Variants in KPNA1 observed in about 807,000 individuals in gnomAD.
The protein encoded by KPNA1 is importin subunit alpha-5.
KPNA1 carries 10 observed loss-of-function variants against 70.5 expected under a neutral mutation model. The observed-to-expected ratio is 0.14, with a 90% CI of 0.09 to 0.24. KPNA1 has a LOEUF of 0.24. KPNA1 is among the 10% of genes least tolerant of loss of function. The pLI is 1.00. For missense variants in KPNA1, 397 were observed against 637.9 expected, an observed-to-expected ratio of 0.62 and a Z score of 4.07; for synonymous variants, 192 against 221.9, an observed-to-expected ratio of 0.87 and a Z score of 1.20.
Position 122,449,753 on chromosome 3 carries a change from G to A in KPNA1, c.754-16C>T, listed in dbSNP as rs1352974518. ...ATGGAGAAACCTGTAAAAGGAAAAT[G>A]ATGATTATGAAATTCAATAGACTAA... On this transcript the variant is annotated splice_polypyrimidine_tract_variant and intron_variant, in intron 8 of 13. Coordinates refer to ENST00000344337, the MANE Select transcript of KPNA1 (RefSeq NM_002264.4). 3 of 1,596,030 alleles carry A rather than the reference G, an allele frequency of 1.9e-6. No homozygotes were observed. Among genetic ancestry groups the A allele is most frequent in the Non-Finnish European group, 2.6e-6 (3 of 1,172,790 alleles).
intron 5 of KPNA1, chr3:122,457,953 G>T: frequency 1.0e-6 from 1 of 995,228 alleles, no homozygotes; most frequent in Non-Finnish European, 1.3e-6. Context: ...TCCAGGAAAG[G>T]CAGAGAGATC....
chr3:122,451,227 T>C (rs1019793631), intron 8 of KPNA1, among the ~76,000 whole-genome samples: 1 of 152,202 alleles, frequency 6.6e-6, no homozygotes, highest in Non-Finnish European at 1.5e-5. Flanking sequence ...ACTGAAAGGA[T>C]AGTCTCCTAA....
chr3:122,472,495 C>G (rs1234169110), intron 2 of KPNA1, among the ~76,000 whole-genome samples: 1 of 149,340 alleles, frequency 6.7e-6, no homozygotes, highest in African/African-American at 2.5e-5. Context: ...GACAAAAGAT[C>G]TAAAATCACC....
intron 9 of KPNA1, among the ~76,000 whole-genome samples, chr3:122,446,770 C>T (rs557137042): frequency 1.4e-3 from 211 of 152,000 alleles, no homozygotes; most frequent in African/African-American, 4.8e-3. Flanking sequence ...ATTGATAGAC[C>T]GCTAGCAAGA....
chr3:122,451,624 T>G lies in KPNA1; in HGVS notation c.663A>C (p.Ser221=). 6.2e-7 allele frequency: 1 copy of G among 1,612,678 alleles called. No individual in the cohort carries two copies. The highest frequency in any genetic ancestry group is 8.5e-7 in the Non-Finnish European group (1 of 1,178,826). The change falls in exon 8 of 14, where the codon TCA becomes TCC. Residue 221 remains serine, a synonymous_variant. Transcript: ENST00000344337. ...GGGTCATGGTCAGGCGGTTTTGCTT[T>G]GAAAATAACCTAAAAGCACGATGGT... The part of the protein sequence containing the change: ...NILPPLLQLF[S]KQNRLTMTRN...
chr3:122,480,980 C>A (rs2076564742), intron 2 of KPNA1, among the ~76,000 whole-genome samples: 2 of 152,044 alleles, frequency 1.3e-5, no homozygotes, highest in Non-Finnish European at 2.9e-5. Flanking sequence ...TAGAGGGAGA[C>A]CCTGCCTCAA....
At chr3:122,469,158 A>C (rs928737997) in intron 2 of KPNA1, among the ~76,000 whole-genome samples, 5 of 152,182 alleles carry the variant, frequency 3.3e-5, no homozygotes, top group African/African-American at 1.2e-4. Flanking sequence ...TAAATATTAA[A>C]AGCTAAAAAA....
At chr3:122,430,692 AAC>A (rs1272655533) in intron 12 of KPNA1, among the ~76,000 whole-genome samples, 1 of 152,184 alleles carries the variant, frequency 6.6e-6, no homozygotes, top group Non-Finnish European at 1.5e-5. Flanking sequence ...CCCGCACAAA[AAC>A]AGTCAACTGA....
At chr3:122,462,267 T>A in intron 4 of KPNA1, among the ~76,000 whole-genome samples, 1 of 152,228 alleles carries the variant, frequency 6.6e-6, no homozygotes, top group Middle Eastern at 3.4e-3. Context: ...CATCTAAGTT[T>A]TTTAAATGGC....
chr3:122,500,090 T>C (rs1462311208), intron 1 of KPNA1, among the ~76,000 whole-genome samples: 1 of 152,154 alleles, frequency 6.6e-6, no homozygotes, highest in Non-Finnish European at 1.5e-5. Context: ...TAAACCATTT[T>C]ATTTACTGGG....
rs1041074630 is a variant in KPNA1, at chr3:122,514,175, G to A, written c.-6+582C>T. On this transcript the variant is annotated intron_variant, in intron 1 of 13. Transcript: ENST00000344337. ...CCCCGATCAGCCGCTCCAGGCCCAT[G>A]TTGTTATGACATCGGTAAACTGCAG... is the stretch of plus-strand genomic sequence containing the variant. 4.6e-5 allele frequency among the ~76,000 whole-genome samples: 7 copies of A among 152,136 alleles called. No homozygotes were observed. The South Asian group carries it at 1.2e-3, about 27-fold the overall frequency.
intron 5 of KPNA1, among the ~76,000 whole-genome samples, chr3:122,459,117 A>T (rs896901664): frequency 6.6e-6 from 1 of 152,230 alleles, no homozygotes; most frequent in Admixed American, 6.5e-5. Context: ...CAGATGTGTT[A>T]AAATACAAGT....
At chr3:122,441,844 G>A (rs1348526218) in intron 10 of KPNA1, among the ~76,000 whole-genome samples, 194 bp downstream of exon 10, 10 of 152,162 alleles carry the variant, frequency 6.6e-5, no homozygotes, top group South Asian at 2.1e-4. Context: ...CAGGCAATCC[G>A]TCCGCCTCAG....
chr3:122,488,982 CT>C (rs911791316), intron 2 of KPNA1, among the ~76,000 whole-genome samples: 12 of 150,272 alleles, frequency 8.0e-5, no homozygotes, highest in African/African-American at 2.9e-4. Context: ...CTCTCTTTTC[CT>C]TTACGGACTC....
At chr3:122,475,200 C>T (rs995955269) in intron 2 of KPNA1, among the ~76,000 whole-genome samples, 2 of 152,084 alleles carry the variant, frequency 1.3e-5, no homozygotes, top group Admixed American at 6.6e-5. Flanking sequence ...GTAGCATTTC[C>T]ATACACTAAC....
At chr3:122,459,817 C>T (rs2076303122) in intron 5 of KPNA1, 4 of 985,246 alleles carry the variant, frequency 4.1e-6, no homozygotes, top group South Asian at 4.7e-5. Context: ...AACTCATCAC[C>T]GCAACAAAGA....
chr3:122,465,840 G>T (rs1191855472), intron 3 of KPNA1, among the ~76,000 whole-genome samples: 1 of 152,188 alleles, frequency 6.6e-6, no homozygotes, highest in East Asian at 1.9e-4. Flanking sequence ...TAGGTTTTCT[G>T]AAGAAAAGGG....
At chr3:122,448,258 C>G (rs2076162443) in intron 9 of KPNA1, among the ~76,000 whole-genome samples, 1 of 152,140 alleles carries the variant, frequency 6.6e-6, no homozygotes, top group Non-Finnish European at 1.5e-5. Context: ...GGTATATACC[C>G]AGAGGATTAT....
intron 1 of KPNA1, among the ~76,000 whole-genome samples, chr3:122,501,390 C>G (rs1232731869): frequency 6.6e-6 from 1 of 152,132 alleles, no homozygotes; most frequent in Non-Finnish European, 1.5e-5. Context: ...TTAGCTGTAT[C>G]CCTAAGTATT....
Sources: gnomAD v4.1 joint callset for allele counts (sites outside exome capture counted in the v4.1 genomes callset) on GRCh38, gnomAD v4.1.1 for gene constraint, MANE v1.5 for transcripts, NCBI Gene and HGNC (gene_info 2026-07-23, HGNC 2026-07-21) for gene names.